The following PRKN variants were observed in gnomAD, a reference collection of about 807,000 sequenced individuals.
The protein encoded by PRKN is parkin RBR E3 ubiquitin protein ligase, also known as E3 ubiquitin-protein ligase parkin.
Under a neutral mutation model 59.5 loss-of-function variants are expected in PRKN, and 56 were observed. That is an observed-to-expected ratio of 0.94 (90% CI 0.76 to 1.18). The LOEUF is 1.18. Ranked by LOEUF, PRKN falls within the 50% of genes most tolerant of loss-of-function variation. The pLI is 0.00. For synonymous variants in PRKN, 250 were observed against 222.1 expected (o/e 1.13, Z -1.12); for missense variants, 657 against 596.4 (o/e 1.10, Z -1.06).
chr6:162,482,266 C>G (rs1317004404), intron 1 of PRKN, among the ~76,000 whole-genome samples: 1 of 152,158 alleles, frequency 6.6e-6, no homozygotes, highest in Non-Finnish European at 1.5e-5. Context: ...GCTTTTCATA[C>G]TTTCACAACT....
intron 9 of PRKN, among the ~76,000 whole-genome samples, chr6:161,452,984 G>A (rs559550037): frequency 6.6e-5 from 10 of 152,076 alleles, no homozygotes; most frequent in Admixed American, 3.3e-4. Flanking sequence ...TCAAGGTCAC[G>A]TCAGGCTTAA....
At chr6:161,915,448 A>T (rs1778519397) in intron 6 of PRKN, among the ~76,000 whole-genome samples, 1 of 152,154 alleles carries the variant, frequency 6.6e-6, no homozygotes, top group South Asian at 2.1e-4. Flanking sequence ...TACATTTTTA[A>T]AGGCTTGAAA....
At position 162,286,135 on chromosome 6, in the gene PRKN, C is replaced by T. The variant is rs371967406; in HGVS notation, c.172-23370G>A. Among the ~76,000 whole-genome samples the T allele has an allele frequency of 6.6e-4, 101 of 152,238 alleles. 2 individuals are homozygous for T. In the South Asian group the frequency reaches 0.019, roughly 29 times the overall value. ...AATTTTAAAATGATATCAGATACAA[C>T]AGCTAAAATTACTGGGTTGAAACTG... is the stretch of plus-strand genomic sequence containing the variant. On this transcript the variant is annotated intron_variant, in intron 2 of 11. Transcript: ENST00000366898.
intron 5 of PRKN, among the ~76,000 whole-genome samples, chr6:162,046,609 A>G (rs947851010): frequency 6.6e-6 from 1 of 152,168 alleles, no homozygotes; most frequent in Admixed American, 6.5e-5. Context: ...TCCTCTGGAG[A>G]TTATTTTTTC....
chr6:162,388,978 T>G lies in PRKN; in HGVS notation c.171+54332A>C, dbSNP rs567452995. 9.2e-5 allele frequency among the ~76,000 whole-genome samples: 13 copies of G among 141,236 alleles called. No individual in the cohort carries two copies. The South Asian group carries it at 3.0e-3, about 33-fold the overall frequency. The allele number at this position is 141,236 out of a possible 152,430, so 92.7% of individuals were successfully genotyped here. Reference sequence around the variant, plus strand: ...ACTTTTTGTCCCCAACACCCAAAGCTTCATTTTAAAATCCTTTCAGTTCCT... The same window carrying G: ...ACTTTTTGTCCCCAACACCCAAAGCGTCATTTTAAAATCCTTTCAGTTCCT... On this transcript the variant is annotated intron_variant, in intron 2 of 11. Transcript: ENST00000366898.
chr6:162,116,609 T>A (rs1438676249), intron 4 of PRKN, among the ~76,000 whole-genome samples: 1 of 152,184 alleles, frequency 6.6e-6, no homozygotes, highest in Non-Finnish European at 1.5e-5. Flanking sequence ...CACATTTAGA[T>A]TGAGTGTGTA....
intron 5 of PRKN, among the ~76,000 whole-genome samples, chr6:162,011,711 C>T (rs1202884242): frequency 6.7e-6 from 1 of 150,256 alleles, no homozygotes; most frequent in East Asian, 1.9e-4. Flanking sequence ...TTCAGAGGGT[C>T]ACTCTGGGCT....
rs1473548872 is a variant in PRKN, at chr6:161,349,960, T to C, written c.*139A>G. Reference sequence around the variant, plus strand: ...GTTTCTTCTGCAATTTGGCTGTAGTTGGACTTTGAAAAAAACTTGAAGAGT... The same window carrying C: ...GTTTCTTCTGCAATTTGGCTGTAGTCGGACTTTGAAAAAAACTTGAAGAGT... On this transcript the variant is annotated 3_prime_UTR_variant, in exon 12 of 12. Coordinates refer to ENST00000366898, the MANE Select transcript of PRKN (RefSeq NM_004562.3). The surrounding 1 kb of genome is among the most constrained non-coding windows in gnomAD (Gnocchi z 5.5). The C allele has an allele frequency of 2.3e-5, 16 of 692,130 alleles. No homozygotes were observed. The highest frequency in any genetic ancestry group is 6.1e-5 in the Admixed American group (3 of 49,332). The allele number at this position is 692,130 out of a possible 1,614,324, so 42.9% of individuals were successfully genotyped here.
rs1406692410 is a variant in PRKN at position 162,516,010 on chromosome 6, A to C, written c.8-72537T>G. On this transcript the variant is annotated intron_variant, in intron 1 of 11. Coordinates refer to ENST00000366898, the MANE Select transcript of PRKN (RefSeq NM_004562.3). ...TGTTCCTGCGGAAACTTAGCAGTGG[A>C]GGGTGTTTCTTACCCCAGTAAGCTG... 2.0e-5 allele frequency among the ~76,000 whole-genome samples: 3 copies of C among 152,294 alleles called. No individual in the cohort carries two copies. In the East Asian group the frequency reaches 5.8e-4, roughly 29 times the overall value.
chr6:162,598,768 G>A (rs1781585152), intron 1 of PRKN, among the ~76,000 whole-genome samples: 1 of 147,140 alleles, frequency 6.8e-6, no homozygotes, highest in Non-Finnish European at 1.5e-5. Flanking sequence ...CATGAGAATT[G>A]CTTGACCCGT....
chr6:161,765,612 C>A (rs538225854), intron 7 of PRKN, among the ~76,000 whole-genome samples: 3 of 151,746 alleles, frequency 2.0e-5, no homozygotes, highest in African/African-American at 7.2e-5. Flanking sequence ...AGAACAACAC[C>A]CAATTCTTGA....
At chr6:161,634,244 A>C (rs1480982590) in intron 7 of PRKN, among the ~76,000 whole-genome samples, 2 of 152,164 alleles carry the variant, frequency 1.3e-5, no homozygotes, top group Non-Finnish European at 2.9e-5. Context: ...AATAAAAAGA[A>C]TAGTAGACAC....
At position 162,129,231 on chromosome 6, in the gene PRKN, A is replaced by G. The variant is rs1781245696; in HGVS notation, c.534+71900T>C. On this transcript the variant is annotated intron_variant, in intron 4 of 11. Transcript: ENST00000366898. Reference sequence around the variant, plus strand: ...CATTAATATACCTTAGGTTTCTTAAATGAGCTTTAATTTTATTTACAATAG... The same window carrying G: ...CATTAATATACCTTAGGTTTCTTAAGTGAGCTTTAATTTTATTTACAATAG... Among the ~76,000 whole-genome samples, 3 of 152,326 alleles carry G rather than the reference A, an allele frequency of 2.0e-5. No homozygotes were observed. In the South Asian group the frequency reaches 6.2e-4, roughly 32 times the overall value.
At chr6:161,919,288 A>G (rs930782669) in intron 6 of PRKN, among the ~76,000 whole-genome samples, 2 of 152,176 alleles carry the variant, frequency 1.3e-5, no homozygotes, top group Non-Finnish European at 2.9e-5. Context: ...TTTATCTAAC[A>G]TTTCTAGAAA....
intron 1 of PRKN, among the ~76,000 whole-genome samples, chr6:162,464,659 C>CAAAAAAAAAAAA (rs1164797005): frequency 1.3e-5 from 1 of 79,922 alleles, no homozygotes; most frequent in African/African-American, 4.3e-5. Context: ...ACTAAAAATA[C>CAAAAAAAAAAAA]AAAAAAAAAA....
rs1582951480 is a variant in PRKN, at chr6:161,348,378, G to A, written c.*1721C>T. The A allele has an allele frequency of 4.5e-6, 1 of 219,896 alleles. No individual in the cohort carries two copies. Among genetic ancestry groups the A allele is most frequent in the East Asian group, 6.6e-5 (1 of 15,202 alleles). 13.6% of individuals were successfully genotyped at this position (219,896 alleles called of 1,614,324 possible). On this transcript the variant is annotated 3_prime_UTR_variant, in exon 12 of 12. Transcript: ENST00000366898. The surrounding 1 kb of genome is among the most constrained non-coding windows in gnomAD (Gnocchi z 4.9). ...TCCACCATTTCTATGTGAGCTTTGG[G>A]CTTCCTGTCACAGGTCTGTTGTCAC...
In PRKN at chr6:162,020,332, C is replaced by CAAA. The variant is rs771141235; in HGVS notation, c.618+33756_618+33758dup. ...AATGCTGACTAAGTGACCAATGAAT[C>CAAA]AAAAAAAAAAAAAAAAAAAAAAAAA... On this transcript the variant is annotated intron_variant, in intron 5 of 11. Transcript: ENST00000366898. Among the ~76,000 whole-genome samples the CAAA allele has an allele frequency of 1.7e-3, 79 of 45,494 alleles. 7 individuals carry two copies. Among genetic ancestry groups the CAAA allele is most frequent in the Admixed American group, 5.1e-3 (12 of 2,362 alleles). The allele number at this position is 45,494 out of a possible 152,430, so 29.8% of individuals were successfully genotyped here.
intron 1 of PRKN, among the ~76,000 whole-genome samples, chr6:162,602,506 G>A (rs1781751853): frequency 6.6e-6 from 1 of 152,146 alleles, no homozygotes; most frequent in Non-Finnish European, 1.5e-5. Flanking sequence ...GAGGAGTTGG[G>A]GCAGCCCAAA....
At chr6:162,252,465 A>T (rs949345849) in intron 3 of PRKN, among the ~76,000 whole-genome samples, 1 of 152,192 alleles carries the variant, frequency 6.6e-6, no homozygotes, top group African/African-American at 2.4e-5. Context: ...CTATGGTCTG[A>T]CTGTTTCTGT....
Sources: allele counts gnomAD v4.1 joint callset (sites outside exome capture counted in the v4.1 genomes callset), GRCh38; gene constraint gnomAD v4.1.1; non-coding constraint Gnocchi (gnomAD v3.1); transcripts MANE v1.5; gene names NCBI Gene and HGNC (gene_info 2026-07-23, HGNC 2026-07-21).